The following DHX32 variants were observed in gnomAD, a reference collection of about 807,000 sequenced individuals.
DHX32 encodes putative pre-mRNA-splicing factor ATP-dependent RNA helicase DHX32.
In DHX32, 51 loss-of-function variants were observed where a neutral mutation model predicts 70.0. That is an observed-to-expected ratio of 0.73 (90% CI 0.58 to 0.92). DHX32 has a LOEUF of 0.92. DHX32 is among the 40% of genes least tolerant of loss of function. DHX32 has a pLI of 0.00. For synonymous variants in DHX32, 310 were observed against 315.3 expected, an observed-to-expected ratio of 0.98 and a Z score of 0.18; for missense variants, 762 against 891.8, an observed-to-expected ratio of 0.85 and a Z score of 1.85.
At chr10:125,890,039 CCTGA>C (rs1944360682) in intron 1 of DHX32, among the ~76,000 whole-genome samples, 1 of 152,280 alleles carries the variant, frequency 6.6e-6, no homozygotes, top group Non-Finnish European at 1.5e-5. Context: ...CATACTGCTT[CCTGA>C]CTATGTTACA....
At chr10:125,878,550 A>G (rs1264420779) in intron 1 of DHX32, among the ~76,000 whole-genome samples, 1 of 152,228 alleles carries the variant, frequency 6.6e-6, no homozygotes, top group Non-Finnish European at 1.5e-5. Flanking sequence ...TCCCGTGTAT[A>G]CATGAGGCAT....
At chr10:125,887,631 G>A (rs1009794501) in intron 1 of DHX32, among the ~76,000 whole-genome samples, 10 of 151,386 alleles carry the variant, frequency 6.6e-5, no homozygotes, top group Non-Finnish European at 1.3e-4. Context: ...GTATGTGTTT[G>A]TGTGTGTGTT....
intron 1 of DHX32, among the ~76,000 whole-genome samples, chr10:125,887,283 C>A (rs1251496898): frequency 1.3e-5 from 2 of 152,158 alleles, no homozygotes; most frequent in African/African-American, 4.8e-5. Flanking sequence ...ACAGTTTGAA[C>A]AGGCAGGTCT....
At chr10:125,873,387 C>CCT (rs1944266802) in intron 1 of DHX32, among the ~76,000 whole-genome samples, 1 of 152,072 alleles carries the variant, frequency 6.6e-6, no homozygotes, top group Admixed American at 6.5e-5. Flanking sequence ...GTCCCAAAGG[C>CCT]CTCTAATCCC....
rs765384472 is a variant in DHX32 at position 125,836,765 on chromosome 10, G to A, written c.2154C>T (p.Ser718=). 7 of 1,614,068 alleles carry A rather than the reference G, an allele frequency of 4.3e-6. No homozygotes were observed. Among genetic ancestry groups the A allele is most frequent in the Non-Finnish European group, 5.9e-6 (7 of 1,180,020 alleles). The part of the protein sequence containing the change: ...DILQQVVDHL[S]PVSTMNKEQQ... ...GTTCCTTATTCATTGTTGACACAGG[G>A]GATAGGTGATCCACTACTTGCTGTA... Residue 718 remains serine (S), a synonymous_variant, in exon 11 of 11, where the codon TCC becomes TCT. Coordinates refer to ENST00000284690, the MANE Select transcript of DHX32 (RefSeq NM_018180.3).
rs1589703512 is a variant in DHX32 at position 125,841,555 on chromosome 10, T to A, written c.1543+188A>T. On this transcript the variant is annotated intron_variant, in intron 7 of 10. Transcript: ENST00000284690. ...CTTTGAGTTAGTTTTCTTAAGATAA[T>A]TTTTCATATTAAGAAAATTTTCCTT... 5 of 1,429,496 alleles carry A rather than the reference T, an allele frequency of 3.5e-6. No individual in the cohort carries two copies. The East Asian group carries it at 1.0e-4, about 29-fold the overall frequency. The allele number at this position is 1,429,496 out of a possible 1,614,324, so 88.6% of individuals were successfully genotyped here.
chr10:125,844,619 T>C (rs1207841367), intron 6 of DHX32, among the ~76,000 whole-genome samples: 1 of 152,232 alleles, frequency 6.6e-6, no homozygotes, highest in African/African-American at 2.4e-5. Flanking sequence ...TATTCTGCAT[T>C]TTATCTCCCC....
At chr10:125,854,317 G>T in intron 3 of DHX32, 114 bp from the exon 4 acceptor site, 2 of 1,067,722 alleles carry the variant, frequency 1.9e-6, no homozygotes, top group Non-Finnish European at 2.6e-6. Context: ...TACAGGGAAA[G>T]AAATCCCTGT....
At chr10:125,886,806 C>T (rs1944343057) in intron 1 of DHX32, among the ~76,000 whole-genome samples, 1 of 152,256 alleles carries the variant, frequency 6.6e-6, no homozygotes, top group Non-Finnish European at 1.5e-5. Flanking sequence ...GAGATTCAGA[C>T]AATGGCATGT....
At chr10:125,879,060 G>C (rs1360113378) in intron 1 of DHX32, among the ~76,000 whole-genome samples, 1 of 100,166 alleles carries the variant, frequency 1.0e-5, no homozygotes, top group Non-Finnish European at 1.8e-5. Context: ...GTCTTGCTCT[G>C]TTGCCCAGGC....
chr10:125,852,200 A>C, intron 6 of DHX32, 93 bp downstream of exon 6: 1 of 1,466,714 alleles, frequency 6.8e-7, no homozygotes, highest in Non-Finnish European at 9.2e-7. Context: ...GCTTGTGTGC[A>C]TTGCTGCGCA....
chr10:125,865,665 G>A (rs1459457949), intron 2 of DHX32, among the ~76,000 whole-genome samples: 1 of 152,084 alleles, frequency 6.6e-6, no homozygotes, highest in Non-Finnish European at 1.5e-5. Flanking sequence ...GAGTAGCTGG[G>A]ACTATAGGCA....
chr10:125,876,048 T>G (rs1449132922), intron 1 of DHX32, among the ~76,000 whole-genome samples: 1 of 152,182 alleles, frequency 6.6e-6, no homozygotes, highest in Admixed American at 6.5e-5. Flanking sequence ...AGATGTCTTT[T>G]CAGGTTTTTG....
At chr10:125,850,160 A>G (rs958850631) in intron 6 of DHX32, among the ~76,000 whole-genome samples, 2 of 149,578 alleles carry the variant, frequency 1.3e-5, no homozygotes, top group African/African-American at 4.9e-5. Context: ...AAAAATTTGT[A>G]GAGATGGGGT....
rs1249207808 is a variant in DHX32 at position 125,838,340 on chromosome 10, A to G, written c.1929T>C (p.His643=). The change falls in exon 10 of 11, where the codon CAT becomes CAC. Residue 643 remains histidine (H), a synonymous_variant. Coordinates refer to ENST00000284690, the MANE Select transcript of DHX32 (RefSeq NM_018180.3). ...DGSGNYLMLT[H]KQVAQLHPLS... is the part of the protein sequence containing the mutation. ...GGGGATGCAGCTGAGCAACCTGCTTATGTGTCAGCATTAAGTAGTTACCTG... is the reference window on the plus strand; with the variant it reads ...GGGGATGCAGCTGAGCAACCTGCTTGTGTGTCAGCATTAAGTAGTTACCTG... 6.2e-7 allele frequency: 1 copy of G among 1,612,310 alleles called. No homozygotes were observed. Among genetic ancestry groups the G allele is most frequent in the Admixed American group, 1.7e-5 (1 of 59,534 alleles).
At chr10:125,855,424 A>G (rs1475905060) in intron 3 of DHX32, among the ~76,000 whole-genome samples, 2 of 149,820 alleles carry the variant, frequency 1.3e-5, no homozygotes, top group African/African-American at 2.5e-5. Context: ...CCCATTCATG[A>G]GCAATTTCCT....
upstream of DHX32, among the ~76,000 whole-genome samples, chr10:125,885,312 A>G (rs1406677722): frequency 6.6e-6 from 1 of 152,132 alleles, no homozygotes; most frequent in African/African-American, 2.4e-5. Context: ...GAACCTATGA[A>G]TATGTACTTT....
intron 1 of DHX32, among the ~76,000 whole-genome samples, chr10:125,868,337 T>A (rs1944235630): frequency 6.6e-6 from 1 of 152,214 alleles, no homozygotes; most frequent in African/African-American, 2.4e-5. Context: ...TCCAAGAGTG[T>A]TTTTAATTGA....
chr10:125,847,119 T>A (rs1048304086), intron 6 of DHX32, among the ~76,000 whole-genome samples: 1 of 152,122 alleles, frequency 6.6e-6, no homozygotes, highest in African/African-American at 2.4e-5. Flanking sequence ...ATTTGCATAA[T>A]GCCAGCTAAC....
Sources: gnomAD v4.1 joint callset for allele counts (sites outside exome capture counted in the v4.1 genomes callset) on GRCh38, gnomAD v4.1.1 for gene constraint, MANE v1.5 for transcripts, NCBI Gene and HGNC (gene_info 2026-07-23, HGNC 2026-07-21) for gene names.